POU6F2: variants seen among roughly 807,000 people sequenced by gnomAD.
POU6F2 encodes the protein POU domain, class 6, transcription factor 2.
Under a neutral mutation model 71.3 loss-of-function variants are expected in POU6F2, and 31 were observed. That is an observed-to-expected ratio of 0.43 (90% CI 0.33 to 0.59). POU6F2 has a LOEUF of 0.59. POU6F2 is among the 20% of genes least tolerant of loss of function. POU6F2 has a pLI of 0.04. For missense variants in POU6F2, 783 were observed against 856.8 expected, an observed-to-expected ratio of 0.91 and a Z score of 1.07; for synonymous variants, 347 against 355.7, an observed-to-expected ratio of 0.98 and a Z score of 0.27.
intron 5 of POU6F2, among the ~76,000 whole-genome samples, chr7:39,367,267 G>T (rs73386442): frequency 5.9e-5 from 9 of 151,992 alleles, no homozygotes; most frequent in Non-Finnish European, 1.0e-4. Context: ...AAATTTAAAC[G>T]TTCAAATATA....
At chr7:39,010,043 G>T (rs1183978321) in intron 1 of POU6F2, among the ~76,000 whole-genome samples, 1 of 147,292 alleles carries the variant, frequency 6.8e-6, no homozygotes, top group Non-Finnish European at 1.5e-5. Flanking sequence ...CTCATAAAAT[G>T]AGTTAGGGAG....
intron 1 of POU6F2, among the ~76,000 whole-genome samples, chr7:39,026,534 G>C (rs925772253): frequency 6.6e-6 from 1 of 152,084 alleles, no homozygotes; most frequent in Admixed American, 6.6e-5. Flanking sequence ...CTCAGTCATA[G>C]ATGGGAATTG....
At chr7:39,423,930 C>T (rs1787910095) in intron 6 of POU6F2, among the ~76,000 whole-genome samples, 1 of 152,206 alleles carries the variant, frequency 6.6e-6, no homozygotes. Context: ...CTGTCTTGGT[C>T]TGTTCTGGCT....
intron 4 of POU6F2, among the ~76,000 whole-genome samples, chr7:39,321,883 A>G (rs1345609461): frequency 6.8e-6 from 1 of 148,048 alleles, no homozygotes; most frequent in Non-Finnish European, 1.5e-5. Context: ...GTATATATTT[A>G]TATATATATA....
chr7:39,263,228 T>C (rs560237025), intron 4 of POU6F2, among the ~76,000 whole-genome samples: 1 of 152,254 alleles, frequency 6.6e-6, no homozygotes, highest in Non-Finnish European at 1.5e-5. Flanking sequence ...CTTTTTTCTC[T>C]TTTCAGTATT....
chr7:38,979,431 T>TACTAA lies in POU6F2; in HGVS notation c.105+1373_105+1374insACTAA, dbSNP rs1404946762. Reference sequence around the variant, plus strand: ...AAAATGTCAAATACATAATACCATGTTTTCACAGGCTCACACTATTTTAAA... The same window carrying TACTAA: ...AAAATGTCAAATACATAATACCATGTACTAATTTCACAGGCTCACACTATTTTAAA... On this transcript the variant is annotated intron_variant, in intron 1 of 9. Coordinates refer to ENST00000518318, the MANE Select transcript of POU6F2 (RefSeq NM_001370959.1). 1.8e-4 allele frequency among the ~76,000 whole-genome samples: 27 copies of TACTAA among 152,294 alleles called. No individual in the cohort carries two copies. In the East Asian group the frequency reaches 5.2e-3, roughly 29 times the overall value.
intron 6 of POU6F2, among the ~76,000 whole-genome samples, chr7:39,409,890 G>T (rs1401002104): frequency 6.6e-6 from 1 of 152,192 alleles, no homozygotes; most frequent in Non-Finnish European, 1.5e-5. Flanking sequence ...TTTTATTACT[G>T]CTCCTTTTTT....
At chr7:39,044,590 G>A (rs1790252871) in intron 1 of POU6F2, among the ~76,000 whole-genome samples, 1 of 151,946 alleles carries the variant, frequency 6.6e-6, no homozygotes, top group Admixed American at 6.6e-5. Context: ...CCTTCGTCAT[G>A]AAATAATAAA....
chr7:39,310,572 T>C (rs992689001), intron 4 of POU6F2, among the ~76,000 whole-genome samples: 1 of 152,242 alleles, frequency 6.6e-6, no homozygotes, highest in East Asian at 1.9e-4. Flanking sequence ...AAACAGATTC[T>C]TTTTAAAATT....
chr7:39,046,707 G>A (rs778076006), intron 1 of POU6F2, among the ~76,000 whole-genome samples: 22 of 151,730 alleles, frequency 1.4e-4, no homozygotes, highest in Non-Finnish European at 3.1e-4. Context: ...ATCCATTAGC[G>A]CTTGCCTGAC....
chr7:39,138,103 A>C (rs762191297), intron 2 of POU6F2, among the ~76,000 whole-genome samples: 11 of 152,238 alleles, frequency 7.2e-5, no homozygotes, highest in Non-Finnish European at 1.3e-4. Flanking sequence ...AATAATTAGA[A>C]GAAAAGCATT....
chr7:39,048,277 G>C (rs567263759), intron 1 of POU6F2, among the ~76,000 whole-genome samples: 1 of 151,594 alleles, frequency 6.6e-6, no homozygotes, highest in Admixed American at 6.6e-5. Context: ...GTATGTTGTG[G>C]GGTTTGGTGT....
At chr7:39,088,753 T>C (rs1289417564) in intron 2 of POU6F2, among the ~76,000 whole-genome samples, 2 of 152,092 alleles carry the variant, frequency 1.3e-5, no homozygotes, top group South Asian at 2.1e-4. Flanking sequence ...GAGCTCAGGG[T>C]TTTTTTATTG....
rs539597366 is a variant in POU6F2, at chr7:39,123,453, A to T, written c.277+37422A>T. Among the ~76,000 whole-genome samples the T allele has an allele frequency of 5.7e-4, 87 of 152,348 alleles. No homozygotes were observed. In the Middle Eastern group the frequency reaches 0.01, roughly 18 times the overall value. On this transcript the variant is annotated intron_variant, in intron 2 of 9. Transcript: ENST00000518318. ...GTTTGATTAGATACTTGTGAAAATTATATCTTCAATTTTCTTTGGTTTGTG... is the reference window on the plus strand; with the variant it reads ...GTTTGATTAGATACTTGTGAAAATTTTATCTTCAATTTTCTTTGGTTTGTG...
chr7:39,275,301 A>G (rs1487610898), intron 4 of POU6F2, among the ~76,000 whole-genome samples: 2 of 152,230 alleles, frequency 1.3e-5, no homozygotes, highest in Non-Finnish European at 2.9e-5. Context: ...CCCATTCACA[A>G]TTGCTTCAAA....
intron 4 of POU6F2, among the ~76,000 whole-genome samples, chr7:39,255,315 G>T (rs1364914404): frequency 6.6e-6 from 1 of 152,166 alleles, no homozygotes; most frequent in African/African-American, 2.4e-5. Context: ...GCTATTAAAA[G>T]ACCAAAACAG....
intron 2 of POU6F2, among the ~76,000 whole-genome samples, chr7:39,166,928 A>G (rs1793126626): frequency 6.6e-6 from 1 of 152,224 alleles, no homozygotes; most frequent in Non-Finnish European, 1.5e-5. Flanking sequence ...GGAAATAGAC[A>G]AACTACATTT....
intron 4 of POU6F2, among the ~76,000 whole-genome samples, chr7:39,253,190 G>A (rs1265973379): frequency 4.6e-5 from 7 of 152,210 alleles, no homozygotes; most frequent in South Asian, 2.1e-4. Context: ...CAGCAGAACC[G>A]CTCCCAGGAG....
At chr7:39,372,062 G>GGCACGCA (rs1479989774) in intron 5 of POU6F2, among the ~76,000 whole-genome samples, 2 of 152,076 alleles carry the variant, frequency 1.3e-5, no homozygotes, top group Non-Finnish European at 2.9e-5. Flanking sequence ...TAGGACTATA[G>GGCACGCA]GCACGCACTA....
Sources: gnomAD v4.1 joint callset for allele counts (sites outside exome capture counted in the v4.1 genomes callset) on GRCh38, gnomAD v4.1.1 for gene constraint, MANE v1.5 for transcripts, NCBI Gene and HGNC (gene_info 2026-07-23, HGNC 2026-07-21) for gene names.